CFAP91: variants seen among roughly 807,000 people sequenced by gnomAD.
CFAP91 encodes cilia- and flagella-associated protein 91.
In CFAP91, 85 loss-of-function variants were observed where a neutral mutation model predicts 95.9. That is an observed-to-expected ratio of 0.89 (90% CI 0.74 to 1.06). The LOEUF is 1.06. CFAP91 is among the 50% of genes least tolerant of loss of function. CFAP91 has a pLI of 0.00. For missense variants in CFAP91, 962 were observed against 943.4 expected (o/e 1.02, Z -0.26); for synonymous variants, 335 against 327.5 (o/e 1.02, Z -0.25).
chr3:119,757,715 G>T (rs2054460119), intron 17 of CFAP91, among the ~76,000 whole-genome samples: 1 of 152,006 alleles, frequency 6.6e-6, no homozygotes, highest in South Asian at 2.1e-4. Flanking sequence ...TGGCCTAATG[G>T]ACATTTATAG....
intron 17 of CFAP91, 137 bp downstream of exon 17, chr3:119,751,235 C>A: frequency 1.1e-6 from 1 of 942,060 alleles, no homozygotes; most frequent in Non-Finnish European, 1.5e-6. Flanking sequence ...TAAATTGGCA[C>A]ATTTCCTCTA....
chr3:119,733,428 A>T lies in CFAP91; in HGVS notation c.1266A>T (p.Lys422Asn). 6.2e-7 allele frequency: 1 copy of T among 1,614,080 alleles called. No homozygotes were observed. Among genetic ancestry groups the T allele is most frequent in the Non-Finnish European group, 8.5e-7 (1 of 1,179,964 alleles). The change falls in exon 10 of 18, where the codon AAA becomes AAT. Residue 422 changes from lysine (K) to asparagine (N), a missense_variant. Physicochemically the swap from Lys to Asn is moderately conservative, Grantham distance 94. Transcript: ENST00000273390. ...CACAACCCCAAATCAGAGCTCCAAA[A>T]CCTAAAGTCATTACCACCAAAGCTG... ...FVTQPQIRAP[K>N]PKVITTKAGF...
In CFAP91 at chr3:119,737,372, T is replaced by C. The variant is rs2054030222; in HGVS notation, c.1351T>C (p.Leu451=). 6 of 1,577,030 alleles carry C rather than the reference T, an allele frequency of 3.8e-6. No homozygotes were observed. Among genetic ancestry groups the C allele is most frequent in the Non-Finnish European group, 5.2e-6 (6 of 1,158,984 alleles). ...TTAATTGGCATTATTTCAGGCACTGTTGGATAAGAAGAATAAAGTTCTTGA... is the reference window on the plus strand; with the variant it reads ...TTAATTGGCATTATTTCAGGCACTGCTGGATAAGAAGAATAAAGTTCTTGA... ...YELAEVHKAL[L]DKKNKVLEVK... The change falls in exon 11 of 18, where the codon TTG becomes CTG. Residue 451 remains leucine (L), a synonymous_variant. Coordinates refer to ENST00000273390, the MANE Select transcript of CFAP91 (RefSeq NM_033364.4).
At chr3:119,707,213 A>C (rs914247257) in intron 2 of CFAP91, 191 bp from the exon 3 acceptor site, 48 of 522,210 alleles carry the variant, frequency 9.2e-5, no homozygotes, top group Non-Finnish European at 1.4e-4. Context: ...TACCCCCTCC[A>C]CATAAACAGC....
chr3:119,758,428 G>T (rs967098955), intron 17 of CFAP91, among the ~76,000 whole-genome samples: 19 of 152,166 alleles, frequency 1.2e-4, no homozygotes, highest in African/African-American at 4.1e-4. Context: ...CAAGAAGGAA[G>T]ATCTCCATTC....
intron 1 of CFAP91, among the ~76,000 whole-genome samples, chr3:119,704,688 T>C (rs1052016966): frequency 1.3e-5 from 2 of 152,216 alleles, no homozygotes; most frequent in African/African-American, 4.8e-5. Context: ...AACTCTAGCC[T>C]TCTTTCTATG....
intron 5 of CFAP91, among the ~76,000 whole-genome samples, chr3:119,713,542 T>C (rs2053515579): frequency 6.6e-6 from 1 of 152,168 alleles, no homozygotes; most frequent in South Asian, 2.1e-4. Context: ...TTTAGTTATT[T>C]ATGTAATTTA....
intron 5 of CFAP91, chr3:119,715,359 T>C (rs576249462): frequency 1.4e-6 from 1 of 690,322 alleles, no homozygotes; most frequent in Admixed American, 2.1e-5. Flanking sequence ...CTTAGTTTCC[T>C]GGCAGAGGTG....
chr3:119,731,049 C>A (rs1310426301), intron 8 of CFAP91, among the ~76,000 whole-genome samples: 1 of 151,952 alleles, frequency 6.6e-6, no homozygotes, highest in Non-Finnish European at 1.5e-5. Flanking sequence ...CCAGCCTGAG[C>A]AGCATAGTGA....
Position 119,747,805 on chromosome 3 carries a change from T to G in CFAP91, c.2052-6T>G. The G allele has an allele frequency of 6.2e-7, 1 of 1,610,416 alleles. No homozygotes were observed. The highest frequency in any genetic ancestry group is 8.5e-7 in the Non-Finnish European group (1 of 1,178,388). On this transcript the variant is annotated splice_polypyrimidine_tract_variant and splice_region_variant and intron_variant, in intron 15 of 17. Coordinates refer to ENST00000273390, the MANE Select transcript of CFAP91 (RefSeq NM_033364.4). ...GAAATAATTCAATTTGTTTTATATT[T>G]TTTAGCCGAACCTATCTTCAGTCAG...
At chr3:119,706,998 C>T (rs2053377313) in intron 2 of CFAP91, 113 bp downstream of exon 2, 1 of 810,958 alleles carries the variant, frequency 1.2e-6, no homozygotes, top group African/African-American at 1.7e-5. Context: ...TTAGGTTCCA[C>T]AGAAATTACC....
intron 6 of CFAP91, among the ~76,000 whole-genome samples, chr3:119,720,541 T>C (rs75083927): frequency 0.029 from 4,338 of 152,144 alleles, 181 homozygotes; most frequent in African/African-American, 0.087. Context: ...AAAAAAAAAT[T>C]CTTTTAAGAG....
Position 119,703,119 on chromosome 3 carries a change from C to A in CFAP91, c.21C>A (p.Ile7=), listed in dbSNP as rs756148565. 3.5e-5 allele frequency: 55 copies of A among 1,564,060 alleles called. No individual in the cohort carries two copies. Among genetic ancestry groups the A allele is most frequent in the South Asian group, 2.7e-4 (23 of 85,604 alleles). The change falls in exon 1 of 18, where the codon ATC becomes ATA. Residue 7 remains isoleucine (I), a synonymous_variant. Transcript: ENST00000273390. ...GCACCATGAGCCACGCAGTAACCAT[C>A]GAGGAGCCCCAGGCCCAGCCGCAGG... The part of the protein sequence containing the change: MSHAVT[I]EEPQAQPQVS...
At position 119,708,691 on chromosome 3, in the gene CFAP91, A is replaced by G. The variant is rs1310980115; in HGVS notation, c.443+17A>G. 7 of 1,400,044 alleles carry G rather than the reference A, an allele frequency of 5.0e-6. No homozygotes were observed. Among genetic ancestry groups the G allele is most frequent in the Non-Finnish European group, 7.0e-6 (7 of 1,001,958 alleles). The allele number at this position is 1,400,044 out of a possible 1,614,324, so 86.7% of individuals were successfully genotyped here. On this transcript the variant is annotated intron_variant, in intron 4 of 17. Coordinates refer to ENST00000273390, the MANE Select transcript of CFAP91 (RefSeq NM_033364.4). Reference sequence around the variant, plus strand: ...CTTTGAAAGGTAGAACATAATTACTAATGAATATTTGAGCCCTAATATTAT... The same window carrying G: ...CTTTGAAAGGTAGAACATAATTACTGATGAATATTTGAGCCCTAATATTAT...
chr3:119,739,218 G>T (rs749855431), intron 11 of CFAP91, 37 bp from the exon 12 acceptor site: 11 of 1,566,878 alleles, frequency 7.0e-6, no homozygotes, highest in African/African-American at 6.8e-5. Context: ...GACTACTGCA[G>T]TTCTCAAGCT....
intron 6 of CFAP91, 148 bp from the exon 7 acceptor site, chr3:119,726,023 A>T (rs1008984919): frequency 3.5e-6 from 2 of 571,120 alleles, no homozygotes; most frequent in African/African-American, 3.8e-5. Flanking sequence ...TGTGAGGCAC[A>T]TCTAGAGGCT....
rs767726631 is a variant in CFAP91, at chr3:119,703,111, G to A, written c.13G>A (p.Val5Ile). 1 of 1,559,074 alleles carries A rather than the reference G, an allele frequency of 6.4e-7. No individual in the cohort carries two copies. The highest frequency in any genetic ancestry group is 1.9e-5 in the Admixed American group (1 of 51,838). The stretch of plus-strand genomic sequence containing the variant: ...AAGAGGCGGCACCATGAGCCACGCA[G>A]TAACCATCGAGGAGCCCCAGGCCCA... MSHAVTIEEPQAQPQ... is the reference protein window; with the variant it reads MSHAITIEEPQAQPQ... The change falls in exon 1 of 18, where the codon GTA becomes ATA. Residue 5 changes from valine (V) to isoleucine (I), a missense_variant. Physicochemically the swap from Val to Ile is conservative, Grantham distance 29 (BLOSUM62 3). Coordinates refer to ENST00000273390, the MANE Select transcript of CFAP91 (RefSeq NM_033364.4).
At chr3:119,735,489 C>T (rs910630077) in intron 10 of CFAP91, among the ~76,000 whole-genome samples, 1 of 152,012 alleles carries the variant, frequency 6.6e-6, no homozygotes, top group Non-Finnish European at 1.5e-5. Flanking sequence ...ATTTTTTAAT[C>T]TGTGAGTATT....
At chr3:119,749,910 G>T (rs1479918060) in intron 16 of CFAP91, among the ~76,000 whole-genome samples, 2 of 152,178 alleles carry the variant, frequency 1.3e-5, no homozygotes, top group Non-Finnish European at 2.9e-5. Flanking sequence ...TGCATGCTAA[G>T]TTCCAAGAAG....
Sources: gnomAD v4.1 joint callset for allele counts (sites outside exome capture counted in the v4.1 genomes callset) on GRCh38, gnomAD v4.1.1 for gene constraint, MANE v1.5 for transcripts, NCBI Gene and HGNC (gene_info 2026-07-23, HGNC 2026-07-21) for gene names.